Variants in CIZ1 observed in about 807,000 individuals in gnomAD.
CIZ1 encodes cip1-interacting zinc finger protein.
CIZ1 carries 58 observed loss-of-function variants against 118.6 expected under a neutral mutation model. The ratio of observed to expected loss-of-function variants is 0.49; its 90% CI spans 0.40 to 0.61. CIZ1 has a LOEUF of 0.61. CIZ1 is among the 20% of genes least tolerant of loss of function. The pLI is 0.00. For missense variants in CIZ1, 921 were observed against 1,115.9 expected, an observed-to-expected ratio of 0.83 and a Z score of 2.49; for synonymous variants, 448 against 443.4, an observed-to-expected ratio of 1.01 and a Z score of -0.13.
upstream of CIZ1, among the ~76,000 whole-genome samples, chr9:128,193,321 A>C (rs1445583514): frequency 6.6e-6 from 1 of 151,968 alleles, no homozygotes; most frequent in Non-Finnish European, 1.5e-5. Flanking sequence ...AAGGGTGTGA[A>C]CCTCATGAGT....
intron 1 of CIZ1, chr9:128,204,037 A>G (rs917247130): frequency 1.3e-5 from 2 of 154,458 alleles, no homozygotes; most frequent in Admixed American, 1.3e-4. Context: ...AGCGTCCCCC[A>G]CACCGGGCTC....
intron 1 of CIZ1, chr9:128,200,231 A>T (rs1833479198): frequency 6.6e-6 from 1 of 152,152 alleles, no homozygotes; most frequent in Non-Finnish European, 1.5e-5. Context: ...TATATGAAAA[A>T]CAAAGCCAGA....
chr9:128,202,366 T>C (rs1008117713), intron 1 of CIZ1, among the ~76,000 whole-genome samples: 1 of 152,200 alleles, frequency 6.6e-6, no homozygotes, highest in Non-Finnish European at 1.5e-5. Flanking sequence ...GGTCTGTCTG[T>C]GTGAAAGGGT....
At position 128,177,779 on chromosome 9, in the gene CIZ1, G is replaced by A. The variant is rs1400762602; in HGVS notation, c.1621-16C>T. On this transcript the variant is annotated splice_polypyrimidine_tract_variant and intron_variant, in intron 9 of 16. Transcript: ENST00000372938. The stretch of plus-strand genomic sequence containing the variant: ...CGCCCCATACCTGCATGGGGAGTAG[G>A]AACTGAACTTCCATCAACTGTGTAC... The A allele has an allele frequency of 1.3e-6, 2 of 1,557,674 alleles. No homozygotes were observed. Among genetic ancestry groups the A allele is most frequent in the Non-Finnish European group, 1.7e-6 (2 of 1,150,670 alleles).
At chr9:128,201,709 C>T (rs1833525713) in intron 1 of CIZ1, among the ~76,000 whole-genome samples, 1 of 152,168 alleles carries the variant, frequency 6.6e-6, no homozygotes, top group South Asian at 2.1e-4. Flanking sequence ...TTAATAAGGG[C>T]CCCCTGAGCA....
At chr9:128,180,345 C>G (rs1588184717) in intron 7 of CIZ1, 70 bp downstream of exon 7, 6 of 1,178,684 alleles carry the variant, frequency 5.1e-6, no homozygotes, top group Non-Finnish European at 7.6e-6. Flanking sequence ...TCTGCCATTG[C>G]CACCCCTGCC....
At chr9:128,190,467 A>G (rs1832993555) in intron 2 of CIZ1, 23 bp from the exon 3 acceptor site, 2 of 1,566,532 alleles carry the variant, frequency 1.3e-6, no homozygotes, top group South Asian at 2.3e-5. Context: ...AGGGGGTGTC[A>G]GAGGGTTATT....
chr9:128,173,953 C>T (rs1353839237), intron 11 of CIZ1, among the ~76,000 whole-genome samples: 2 of 151,886 alleles, frequency 1.3e-5, no homozygotes, highest in African/African-American at 2.4e-5. Context: ...TTGCAGTGAG[C>T]CGAGATCGCG....
Position 128,166,630 on chromosome 9 carries a change from G to T in CIZ1, c.2487+129C>A. On this transcript the variant is annotated intron_variant, in intron 16 of 16. Transcript: ENST00000372938. This position sits in a 1 kb window ranked among gnomAD's most constrained non-coding sequence, Gnocchi z 4.4. ...CCACCCCAGCTCTAATTCTCTCCCT[G>T]TTGGTGCAGGGGTGGTGCCTGGGGA... 2 of 1,240,770 alleles carry T rather than the reference G, an allele frequency of 1.6e-6. No homozygotes were observed. The highest frequency in any genetic ancestry group is 1.5e-5 in the African/African-American group (1 of 67,400). The allele number at this position is 1,240,770 out of a possible 1,614,324, so 76.9% of individuals were successfully genotyped here. A position where few individuals can be genotyped will look rare whatever the true frequency, so the allele number is the denominator to read the frequency against.
At position 128,191,516 on chromosome 9, in the gene CIZ1, C is replaced by T. The variant is rs530466867; in HGVS notation, c.-90G>A. 9.9e-7 allele frequency: 1 copy of T among 1,011,122 alleles called. No individual in the cohort carries two copies. The highest frequency in any genetic ancestry group is 4.6e-5 in the South Asian group (1 of 21,764). 62.6% of individuals were successfully genotyped at this position (1,011,122 alleles called of 1,614,324 possible). On this transcript the variant is annotated 5_prime_UTR_variant, in exon 1 of 17. Coordinates refer to ENST00000372938, the MANE Select transcript of CIZ1 (RefSeq NM_001131016.2). The surrounding 1 kb of genome is among the most constrained non-coding windows in gnomAD (Gnocchi z 5.5). ...GCCCCCACGCCTCGGCCGGGCGGCT[C>T]CGGCCCGCGGGCTCCCGGCCTCCCC...
intron 11 of CIZ1, among the ~76,000 whole-genome samples, chr9:128,174,824 A>G (rs904928168): frequency 2.6e-5 from 4 of 151,986 alleles, no homozygotes; most frequent in African/African-American, 9.7e-5. Flanking sequence ...ATGCCCAGCT[A>G]ATTTTGTATT....
chr9:128,190,955 C>G, intron 1 of CIZ1, 93 bp from the exon 2 acceptor site: 2 of 1,454,844 alleles, frequency 1.4e-6, no homozygotes, highest in South Asian at 1.4e-5. Flanking sequence ...AGCCACAGCC[C>G]GCAGAGACTG....
rs965709178 is a variant in CIZ1 at position 128,177,752 on chromosome 9, G to A, written c.1632C>T (p.Ala544=). ...GAATGGTGACCTTCAGGGAGCCCCC[G>A]GCGCCCCATACCTGCATGGGGAGTA... ...RAREMPGVWG[A]GGSLKVTILQ... The change falls in exon 10 of 17, where the codon GCC becomes GCT. Residue 544 remains alanine (A), a synonymous_variant. Coordinates refer to ENST00000372938, the MANE Select transcript of CIZ1 (RefSeq NM_001131016.2). 74 of 1,597,580 alleles carry A rather than the reference G, an allele frequency of 4.6e-5. No individual in the cohort carries two copies. The highest frequency in any genetic ancestry group is 8.1e-5 in the African/African-American group (6 of 74,516).
At chr9:128,195,030 C>T (rs1386896034), upstream of CIZ1, among the ~76,000 whole-genome samples, 2 of 151,990 alleles carry the variant, frequency 1.3e-5, no homozygotes, top group South Asian at 2.1e-4. Flanking sequence ...CTATGTTGCC[C>T]GGGCTGGTCT....
rs375392473 is a variant in CIZ1, at chr9:128,179,264, C to T, written c.943G>A (p.Val315Ile). The T allele has an allele frequency of 8.7e-6, 14 of 1,614,150 alleles. No individual in the cohort carries two copies. In the African/African-American group the frequency reaches 1.7e-4, roughly 20 times the overall value. The change falls in exon 8 of 17, where the codon GTC becomes ATC. Residue 315 changes from valine to isoleucine, a missense_variant. Coordinates refer to ENST00000372938, the MANE Select transcript of CIZ1 (RefSeq NM_001131016.2). Reference sequence around the variant, plus strand: ...TGCACCTGGGCCTGGACCTGCAGGACCCGTGGCTGGAATCGTGGCAGCACT... The same window carrying T: ...TGCACCTGGGCCTGGACCTGCAGGATCCGTGGCTGGAATCGTGGCAGCACT... Reference protein sequence around the residue: ...AQVLPRFQPRVLQVQAQVQSQ... With the variant: ...AQVLPRFQPRILQVQAQVQSQ...
upstream of CIZ1, among the ~76,000 whole-genome samples, chr9:128,193,727 G>C (rs1165695135): frequency 6.6e-6 from 1 of 151,968 alleles, no homozygotes. Context: ...AAAAATCAAA[G>C]ACTGCCCAGG....
chr9:128,184,835 T>C (rs994512737), intron 5 of CIZ1, among the ~76,000 whole-genome samples: 36 of 152,090 alleles, frequency 2.4e-4, no homozygotes, highest in African/African-American at 8.7e-4. Context: ...GCCCGGCTAC[T>C]TTTTTGTATT....
Position 128,169,172 on chromosome 9 carries a change from G to A in CIZ1, c.2175C>T (p.Gly725=), listed in dbSNP as rs1250788138. The change falls in exon 14 of 17, where the codon GGC becomes GGT. Residue 725 remains glycine (G), a synonymous_variant. Transcript: ENST00000372938. ...ELKSLEKEIA[G]QDEDHFITVD... is the part of the protein sequence containing the mutation. ...CTGTAATGAAGTGGTCCTCATCTTG[G>A]CCAGCAATTTCTTTCTCAAGCGACT... is the stretch of plus-strand genomic sequence containing the variant. The A allele has an allele frequency of 3.1e-6, 5 of 1,614,164 alleles. No individual in the cohort carries two copies. In the South Asian group the frequency reaches 3.3e-5, roughly 11 times the overall value.
intron 4 of CIZ1, 85 bp from the exon 5 acceptor site, chr9:128,185,861 C>T: frequency 1.1e-6 from 1 of 899,166 alleles, no homozygotes; most frequent in Non-Finnish European, 1.8e-6. Flanking sequence ...CCCAGAGCAT[C>T]ATGGGAACAT....
Sources: allele counts gnomAD v4.1 joint callset (sites outside exome capture counted in the v4.1 genomes callset), GRCh38; gene constraint gnomAD v4.1.1; non-coding constraint Gnocchi (gnomAD v3.1); transcripts MANE v1.5; gene names NCBI Gene and HGNC (gene_info 2026-07-23, HGNC 2026-07-21).